The following ADH5 variants were observed in gnomAD, a reference collection of about 807,000 sequenced individuals.
ADH5 encodes alcohol dehydrogenase class-3.
In ADH5, 32 loss-of-function variants were observed where a neutral mutation model predicts 40.3. That is an observed-to-expected ratio of 0.79 (90% confidence interval 0.60 to 1.07). The LOEUF is 1.07. ADH5 is among the 50% of genes least tolerant of loss of function. The pLI is 0.00. For missense variants in ADH5, 353 were observed against 460.5 expected (o/e 0.77, Z 2.14); for synonymous variants, 125 against 154.3 (o/e 0.81, Z 1.41).
intron 2 of ADH5, among the ~76,000 whole-genome samples, chr4:99,084,118 C>A (rs1728083449): frequency 6.6e-6 from 1 of 152,144 alleles, no homozygotes; most frequent in Non-Finnish European, 1.5e-5. Flanking sequence ...AAACTGAAGA[C>A]CATTTCTGTC....
chr4:99,078,781 A>C (rs937074335), intron 4 of ADH5, among the ~76,000 whole-genome samples: 3 of 152,204 alleles, frequency 2.0e-5, no homozygotes, highest in African/African-American at 7.2e-5. Context: ...TGTATTCCAG[A>C]GGAGTTTCTT....
intron 7 of ADH5, among the ~76,000 whole-genome samples, chr4:99,074,036 G>A (rs999054046): frequency 6.6e-6 from 1 of 152,132 alleles, no homozygotes; most frequent in Non-Finnish European, 1.5e-5. Flanking sequence ...TATAAAGAAC[G>A]AAGATTTTGG....
At position 99,072,726 on chromosome 4, in the gene ADH5, A is replaced by C; in HGVS notation, c.962-15T>G. The C allele has an allele frequency of 6.3e-7, 1 of 1,594,754 alleles. No homozygotes were observed. Among genetic ancestry groups the C allele is most frequent in the Non-Finnish European group, 8.5e-7 (1 of 1,173,456 alleles). On this transcript the variant is annotated splice_polypyrimidine_tract_variant and intron_variant, in intron 7 of 8. Transcript: ENST00000296412. ...ACTCTTCCATCCTAAAAGAAATCAC[A>C]CATTAATTTATTCAACAAATTTCTG...
chr4:99,082,552 A>T (rs1447650213), intron 2 of ADH5, among the ~76,000 whole-genome samples: 1 of 152,236 alleles, frequency 6.6e-6, no homozygotes, highest in African/African-American at 2.4e-5. Flanking sequence ...TTTCTGAAAT[A>T]GGCCAGTCTG....
chr4:99,079,955 G>C (rs1727997815), intron 4 of ADH5: 1 of 451,752 alleles, frequency 2.2e-6, no homozygotes, highest in African/African-American at 2.0e-5. Context: ...CTTAACGGCT[G>C]GTGATACTGG....
intron 6 of ADH5, 130 bp from the exon 7 acceptor site, chr4:99,075,179 G>C (rs1349839260): frequency 5.5e-6 from 4 of 722,252 alleles, no homozygotes; most frequent in Non-Finnish European, 6.4e-6. Context: ...TTAACATTTA[G>C]TGAGCTCAAT....
In ADH5 at chr4:99,085,219, G is replaced by A; in HGVS notation, c.13-3C>T. 1 of 1,468,040 alleles carries A rather than the reference G, an allele frequency of 6.8e-7. No homozygotes were observed. The highest frequency in any genetic ancestry group is 1.4e-5 in the African/African-American group (1 of 70,450). 90.9% of individuals were successfully genotyped at this position (1,468,040 alleles called of 1,614,324 possible). ...ACTGCAGCCTTGCACTTGATAACCT[G>A]AAGTGGGGAAAAAAGGGAATAAGCT... On this transcript the variant is annotated splice_region_variant and splice_polypyrimidine_tract_variant and intron_variant, in intron 1 of 8. Transcript: ENST00000296412.
chr4:99,075,174 A>G (rs572165155), intron 6 of ADH5, 125 bp from the exon 7 acceptor site: 2 of 766,972 alleles, frequency 2.6e-6, no homozygotes, highest in South Asian at 3.5e-5. Flanking sequence ...CAAACTTAAC[A>G]TTTAGTGAGC....
intron 4 of ADH5, among the ~76,000 whole-genome samples, chr4:99,078,906 C>T (rs747156488): frequency 6.6e-6 from 1 of 152,272 alleles, no homozygotes; most frequent in Admixed American, 6.5e-5. Flanking sequence ...TTTCAGACTG[C>T]GTTTAAAATT....
chr4:99,083,590 ACT>A (rs1181681755), intron 2 of ADH5, among the ~76,000 whole-genome samples: 1 of 137,406 alleles, frequency 7.3e-6, no homozygotes, highest in African/African-American at 2.8e-5. Context: ...ACAGAGTGAA[ACT>A]CTGTCTCCAA....
intron 6 of ADH5, 111 bp from the exon 7 acceptor site, chr4:99,075,160 A>C (rs1727898442): frequency 1.1e-6 from 1 of 940,612 alleles, no homozygotes; most frequent in African/African-American, 1.7e-5. Flanking sequence ...TGGCAACAAA[A>C]GGCCAAACTT....
chr4:99,077,570 T>G (rs1200134750), intron 4 of ADH5, among the ~76,000 whole-genome samples: 1 of 152,202 alleles, frequency 6.6e-6, no homozygotes. Flanking sequence ...CCAGTATCTA[T>G]GCAAGTAGAG....
chr4:99,082,137 C>T (rs28730597), intron 2 of ADH5, 21 bp from the exon 3 acceptor site: 20,067 of 1,611,268 alleles, frequency 0.012, 179 homozygotes, highest in Non-Finnish European at 0.014. Context: ...ATTAAAACAA[C>T]GAATGTGTAA....
intron 7 of ADH5, among the ~76,000 whole-genome samples, chr4:99,073,134 C>G (rs1030578289): frequency 1.3e-5 from 2 of 152,194 alleles, no homozygotes; most frequent in African/African-American, 4.8e-5. Flanking sequence ...GAACAGAAAA[C>G]TATGAAACTG....
chr4:99,079,542 C>T (rs1040783784), intron 4 of ADH5, among the ~76,000 whole-genome samples: 2 of 151,868 alleles, frequency 1.3e-5, no homozygotes, highest in Admixed American at 6.6e-5. Flanking sequence ...ATCTGGGTGA[C>T]GTTCAAATCA....
At chr4:99,073,876 T>C (rs1265733892) in intron 7 of ADH5, among the ~76,000 whole-genome samples, 2 of 152,218 alleles carry the variant, frequency 1.3e-5, no homozygotes, top group Non-Finnish European at 2.9e-5. Flanking sequence ...GAATGCCCTT[T>C]AAAATACAGC....
intron 2 of ADH5, among the ~76,000 whole-genome samples, chr4:99,083,249 G>C (rs770593918): frequency 1.3e-5 from 2 of 151,852 alleles, no homozygotes; most frequent in Admixed American, 6.6e-5. Flanking sequence ...TGAATTTGAA[G>C]AAAAAAACAC....
At chr4:99,082,740 G>T (rs1166881974) in intron 2 of ADH5, among the ~76,000 whole-genome samples, 1 of 152,144 alleles carries the variant, frequency 6.6e-6, no homozygotes, top group Non-Finnish European at 1.5e-5. Flanking sequence ...GCAGTGGCAT[G>T]ATCTCGGCTC....
chr4:99,081,181 C>T (rs143148644), intron 4 of ADH5, among the ~76,000 whole-genome samples, 184 bp downstream of exon 4: 3 of 152,112 alleles, frequency 2.0e-5, no homozygotes, highest in East Asian at 3.9e-4. Flanking sequence ...GGTCTCCCCC[C>T]ACCCCACGAA....
Sources: allele counts gnomAD v4.1 joint callset (sites outside exome capture counted in the v4.1 genomes callset), GRCh38; gene constraint gnomAD v4.1.1; transcripts MANE v1.5; gene names NCBI Gene and HGNC (gene_info 2026-07-23, HGNC 2026-07-21).